INPP4B: variants seen among roughly 807,000 people sequenced by gnomAD.
The protein encoded by INPP4B is inositol polyphosphate 4-phosphatase type II.
In INPP4B, 55 loss-of-function variants were observed where a neutral mutation model predicts 122.5. That is an observed-to-expected ratio of 0.45 (90% CI 0.36 to 0.56). The LOEUF (loss-of-function observed/expected upper bound fraction) is 0.56. Among genes scored for constraint, INPP4B ranks in the 20% least tolerant of loss-of-function variants. The pLI, the probability that INPP4B is intolerant of heterozygous loss-of-function variation, is 0.00. For missense variants in INPP4B, 1,000 were observed against 1,097.7 expected, an observed-to-expected ratio of 0.91 and a Z score of 1.26; for synonymous variants, 403 against 388.7, an observed-to-expected ratio of 1.04 and a Z score of -0.43.
chr4:142,115,643 C>A (rs1266655854), intron 21 of INPP4B, among the ~76,000 whole-genome samples: 1 of 152,140 alleles, frequency 6.6e-6, no homozygotes, highest in Non-Finnish European at 1.5e-5. Context: ...GCCTGCCTTA[C>A]AAGAGCTCCT....
At chr4:142,353,272 T>C (rs1403722676) in intron 7 of INPP4B, among the ~76,000 whole-genome samples, 1 of 151,986 alleles carries the variant, frequency 6.6e-6, no homozygotes, top group Admixed American at 6.6e-5. Context: ...AACCTTATAT[T>C]GCAATGCTTT....
At chr4:142,190,206 T>TG (rs1554001337) in intron 15 of INPP4B, among the ~76,000 whole-genome samples, 1 of 24,334 alleles carries the variant, frequency 4.1e-5, no homozygotes, top group Non-Finnish European at 1.5e-4. Context: ...TGTTTATTTT[T>TG]GTTTTTTTTT....
intron 2 of INPP4B, among the ~76,000 whole-genome samples, chr4:142,720,805 C>A (rs368052591): frequency 0.7 from 10,883 of 15,640 alleles, 4,103 homozygotes; most frequent in African/African-American, 0.82. Flanking sequence ...CTCTCTCTCT[C>A]TCTCTATATA....
chr4:142,625,207 G>C (rs1468424007), intron 2 of INPP4B, among the ~76,000 whole-genome samples: 10 of 149,366 alleles, frequency 6.7e-5, no homozygotes, highest in Non-Finnish European at 1.3e-4. Context: ...TGTTTGCAGA[G>C]GACATGATTG....
rs367837663 is a variant in INPP4B, at chr4:142,146,258, A to C, written c.1564-262T>G. ...ATAAAGAAATGATGACCATCATACA[A>C]TATTAATCCATAATTGAGCACAAAT... On this transcript the variant is annotated intron_variant, in intron 17 of 25. Coordinates refer to ENST00000262992, the MANE Select transcript of INPP4B (RefSeq NM_001101669.3). Among the ~76,000 whole-genome samples the C allele has an allele frequency of 2.9e-3, 434 of 152,276 alleles. 1 individual carries two copies. Among genetic ancestry groups the C allele is most frequent in the African/African-American group, 0.01 (418 of 41,564 alleles).
Position 142,371,980 on chromosome 4 carries a change from A to C in INPP4B, c.372+30958T>G, listed in dbSNP as rs372219200. Reference sequence around the variant, plus strand: ...ATCAGTATATCAAAGGGATACCTGCATCCACGTGTTTATCACAGCACTATT... The same window carrying C: ...ATCAGTATATCAAAGGGATACCTGCCTCCACGTGTTTATCACAGCACTATT... On this transcript the variant is annotated intron_variant, in intron 7 of 25. Transcript: ENST00000262992. Among the ~76,000 whole-genome samples the C allele has an allele frequency of 1.6e-4, 24 of 152,242 alleles. No homozygotes were observed. In the East Asian group the frequency reaches 4.4e-3, roughly 28 times the overall value.
chr4:142,223,304 T>C (rs905151888), intron 12 of INPP4B, among the ~76,000 whole-genome samples: 3 of 152,030 alleles, frequency 2.0e-5, no homozygotes, highest in African/African-American at 7.2e-5. Context: ...AGTGGTATAA[T>C]CAAAAAATAA....
intron 18 of INPP4B, among the ~76,000 whole-genome samples, chr4:142,128,685 C>G (rs1432497761): frequency 6.6e-6 from 1 of 152,112 alleles, no homozygotes. Context: ...TGGGAGCCAT[C>G]CAAGCACAGC....
intron 9 of INPP4B, among the ~76,000 whole-genome samples, chr4:142,277,107 TGTTA>T (rs1245232307): frequency 6.6e-6 from 1 of 152,000 alleles, no homozygotes; most frequent in Non-Finnish European, 1.5e-5. Context: ...TTTATATGTT[TGTTA>T]GTCATTTGTA....
chr4:142,232,945 T>C (rs1579375861), intron 12 of INPP4B, among the ~76,000 whole-genome samples: 1 of 152,086 alleles, frequency 6.6e-6, no homozygotes, highest in Non-Finnish European at 1.5e-5. Context: ...TTCAATTCTA[T>C]AAAGGCTGAG....
intron 2 of INPP4B, among the ~76,000 whole-genome samples, chr4:142,521,545 G>A (rs1311867807): frequency 2.0e-5 from 3 of 152,008 alleles, no homozygotes; most frequent in East Asian, 1.9e-4. Flanking sequence ...TTAGCACTTT[G>A]CCATATTTGG....
At chr4:142,188,046 G>C (rs572945759) in intron 15 of INPP4B, among the ~76,000 whole-genome samples, 18 of 152,184 alleles carry the variant, frequency 1.2e-4, no homozygotes, top group Admixed American at 5.2e-4. Context: ...TGCTGTTAAG[G>C]AGGAATATTA....
intron 3 of INPP4B, among the ~76,000 whole-genome samples, chr4:142,438,379 G>A (rs1396073165): frequency 1.3e-5 from 2 of 152,166 alleles, no homozygotes; most frequent in East Asian, 3.9e-4. Context: ...ATATAATAGA[G>A]ACCTCAGAAA....
At chr4:142,257,867 G>A (rs1737222703) in intron 11 of INPP4B, among the ~76,000 whole-genome samples, 1 of 152,044 alleles carries the variant, frequency 6.6e-6, no homozygotes, top group Non-Finnish European at 1.5e-5. Flanking sequence ...AAGTTCATAT[G>A]GAACCAAAAA....
intron 10 of INPP4B, among the ~76,000 whole-genome samples, chr4:142,267,347 T>G (rs1579525447): frequency 6.6e-6 from 1 of 152,312 alleles, no homozygotes; most frequent in Admixed American, 6.5e-5. Flanking sequence ...AGTGGCATGT[T>G]ACTGGCATAA....
intron 2 of INPP4B, among the ~76,000 whole-genome samples, chr4:142,685,447 C>A (rs552377729): frequency 6.6e-6 from 1 of 151,972 alleles, no homozygotes; most frequent in African/African-American, 2.4e-5. Context: ...TTCCATGGGG[C>A]GAATTTCACA....
chr4:142,248,318 T>TTC (rs773640823), intron 11 of INPP4B, among the ~76,000 whole-genome samples: 26 of 145,150 alleles, frequency 1.8e-4, no homozygotes, highest in South Asian at 4.4e-4. Flanking sequence ...GTCTCTGTGT[T>TTC]TCTCTCTCTC....
At chr4:142,742,870 G>A (rs564133536) in intron 1 of INPP4B, among the ~76,000 whole-genome samples, 1 of 152,038 alleles carries the variant, frequency 6.6e-6, no homozygotes, top group South Asian at 2.1e-4. Context: ...AAAAGAGGGA[G>A]GTGATAAAAT....
chr4:142,698,301 A>C (rs1268853164), intron 2 of INPP4B, among the ~76,000 whole-genome samples: 1 of 151,886 alleles, frequency 6.6e-6, no homozygotes, highest in African/African-American at 2.4e-5. Context: ...CATAGAAAAA[A>C]AGACATACGA....
Sources: gnomAD v4.1 joint callset for allele counts (sites outside exome capture counted in the v4.1 genomes callset) on GRCh38, gnomAD v4.1.1 for gene constraint, MANE v1.5 for transcripts, NCBI Gene and HGNC (gene_info 2026-07-23, HGNC 2026-07-21) for gene names.